Variants in GPM6A observed in about 807,000 individuals in gnomAD.
GPM6A encodes glycoprotein M6A, also known as neuronal membrane glycoprotein M6-a.
A neutral mutation model predicts 32.1 loss-of-function variants in GPM6A; 7 were observed. The ratio of observed to expected loss-of-function variants is 0.22; its 90% CI spans 0.12 to 0.41. The LOEUF (loss-of-function observed/expected upper bound fraction) is 0.41. Among genes scored for constraint, GPM6A ranks in the 10% least tolerant of loss-of-function variants. The probability of loss-of-function intolerance (pLI) is 1.00; values close to 1 mark genes in which losing one functional copy is unlikely to be tolerated. For synonymous variants in GPM6A, 130 were observed against 123.4 expected, an observed-to-expected ratio of 1.05 and a Z score of -0.35; for missense variants, 235 against 347.2, an observed-to-expected ratio of 0.68 and a Z score of 2.57.
chr4:175,802,617 A>C (rs567205992), intron 1 of GPM6A, among the ~76,000 whole-genome samples: 1 of 152,250 alleles, frequency 6.6e-6, no homozygotes, highest in East Asian at 1.9e-4. Context: ...TTATCTTATT[A>C]AACTGTCCTC....
At chr4:175,692,856 T>C (rs552018423) in intron 2 of GPM6A, among the ~76,000 whole-genome samples, 2 of 152,288 alleles carry the variant, frequency 1.3e-5, no homozygotes, top group South Asian at 2.1e-4. Flanking sequence ...AGTAGGAACA[T>C]AGTTTCATGT....
chr4:175,719,118 T>G (rs1179846274), intron 1 of GPM6A, among the ~76,000 whole-genome samples: 2 of 152,128 alleles, frequency 1.3e-5, no homozygotes, highest in African/African-American at 2.4e-5. Flanking sequence ...TATTCCAAAT[T>G]TAAAAAAACA....
chr4:175,651,625 T>A (rs1741813105), intron 4 of GPM6A, among the ~76,000 whole-genome samples: 1 of 152,208 alleles, frequency 6.6e-6, no homozygotes, highest in Admixed American at 6.6e-5. Flanking sequence ...TACATGTGTA[T>A]ATGTTGTGAT....
chr4:175,891,322 G>A (rs57871202), intron 1 of GPM6A: 8,802 of 152,038 alleles, frequency 0.058, 483 homozygotes, highest in East Asian at 0.28. Flanking sequence ...CTTCTCTACC[G>A]GTTACAGCTT....
intron 1 of GPM6A, chr4:175,806,102 G>C (rs1345420199): frequency 6.6e-6 from 1 of 152,300 alleles, no homozygotes; most frequent in East Asian, 1.9e-4. Flanking sequence ...GTCTGCCTTC[G>C]ATGTATGAAA....
At chr4:175,768,035 AC>A (rs1317107880) in intron 1 of GPM6A, among the ~76,000 whole-genome samples, 1 of 152,178 alleles carries the variant, frequency 6.6e-6, no homozygotes, top group Non-Finnish European at 1.5e-5. Flanking sequence ...ATAGTAGTTC[AC>A]CCCTAAAACT....
At chr4:175,667,511 A>G (rs73018188) in intron 3 of GPM6A, among the ~76,000 whole-genome samples, 6,956 of 152,242 alleles carry the variant, frequency 0.046, 182 homozygotes, top group Non-Finnish European at 0.061. Flanking sequence ...TGAAACAGGA[A>G]AAGAACATTT....
chr4:175,917,540 G>A (rs1214165714), intron 1 of GPM6A, among the ~76,000 whole-genome samples: 3 of 152,146 alleles, frequency 2.0e-5, no homozygotes, highest in East Asian at 1.9e-4. Flanking sequence ...CAGGCTGACT[G>A]GATTATACAT....
intron 1 of GPM6A, among the ~76,000 whole-genome samples, chr4:175,766,914 T>G (rs1732994128): frequency 6.6e-6 from 1 of 151,992 alleles, no homozygotes; most frequent in South Asian, 2.1e-4. Flanking sequence ...CTCGGCCTCC[T>G]AAAGTGCTGG....
intron 1 of GPM6A, among the ~76,000 whole-genome samples, chr4:175,803,147 T>C (rs1734538846): frequency 7.2e-6 from 1 of 139,504 alleles, no homozygotes; most frequent in African/African-American, 2.6e-5. Context: ...TCCTTCTCTT[T>C]CTCCTCCTGT....
intron 1 of GPM6A, among the ~76,000 whole-genome samples, chr4:175,811,225 C>T (rs536601699): frequency 6.6e-6 from 1 of 152,254 alleles, no homozygotes; most frequent in African/African-American, 2.4e-5. Flanking sequence ...CCTTTATATA[C>T]ATTTGAAATT....
At chr4:175,774,380 A>T (rs188003092) in intron 1 of GPM6A, among the ~76,000 whole-genome samples, 29 of 152,232 alleles carry the variant, frequency 1.9e-4, no homozygotes, top group African/African-American at 7.0e-4. Context: ...TCTTATTTGT[A>T]TAAAATCTAA....
At chr4:175,704,055 G>A (rs1312034132) in intron 1 of GPM6A, among the ~76,000 whole-genome samples, 1 of 152,106 alleles carries the variant, frequency 6.6e-6, no homozygotes, top group Non-Finnish European at 1.5e-5. Context: ...TATCTAGAAG[G>A]CATAGATGCA....
chr4:175,642,272 CT>C (rs1241586336), intron 4 of GPM6A, among the ~76,000 whole-genome samples: 1 of 152,186 alleles, frequency 6.6e-6, no homozygotes, highest in African/African-American at 2.4e-5. Context: ...GAAAAAGCTT[CT>C]GGTCAAGGCT....
chr4:175,742,782 G>A (rs1434142388), intron 1 of GPM6A, among the ~76,000 whole-genome samples: 4 of 152,132 alleles, frequency 2.6e-5, no homozygotes, highest in Admixed American at 2.6e-4. Context: ...CTTCTGAGAA[G>A]AGAATCAAGG....
At chr4:175,993,413 G>A (rs1741212031) in intron 1 of GPM6A, among the ~76,000 whole-genome samples, 1 of 151,320 alleles carries the variant, frequency 6.6e-6, no homozygotes, top group Non-Finnish European at 1.5e-5. Flanking sequence ...CACTAACTCT[G>A]TCTCATCTAC....
At chr4:175,645,550 G>A (rs12715968) in intron 4 of GPM6A, among the ~76,000 whole-genome samples, 107,497 of 151,558 alleles carry the variant, frequency 0.71, 40,839 homozygotes, top group Non-Finnish European at 0.85. Context: ...GTAAAACCCC[G>A]TCTCTACTAA....
chr4:175,838,982 A>G (rs905723714), intron 1 of GPM6A, among the ~76,000 whole-genome samples: 3 of 152,044 alleles, frequency 2.0e-5, no homozygotes, highest in Non-Finnish European at 4.4e-5. Context: ...TAATCTATAT[A>G]TGATAATGGA....
intron 1 of GPM6A, among the ~76,000 whole-genome samples, chr4:175,964,979 A>T (rs1056558153): frequency 6.6e-6 from 1 of 152,250 alleles, no homozygotes; most frequent in Non-Finnish European, 1.5e-5. Context: ...CCACTATTAC[A>T]GTTGCAGACT....
Sources: gnomAD v4.1 joint callset for allele counts (sites outside exome capture counted in the v4.1 genomes callset) on GRCh38, gnomAD v4.1.1 for gene constraint, MANE v1.5 for transcripts, NCBI Gene and HGNC (gene_info 2026-07-23, HGNC 2026-07-21) for gene names.